TPP2: variants seen among roughly 807,000 people sequenced by gnomAD.
TPP2 encodes the protein tripeptidyl peptidase 2.
Under a neutral mutation model 155.9 loss-of-function variants are expected in TPP2, and 34 were observed. That is an observed-to-expected ratio of 0.22 (90% CI 0.17 to 0.29). The LOEUF (loss-of-function observed/expected upper bound fraction) is 0.29, where lower values mean the gene tolerates loss of function less well. Among genes scored for constraint, TPP2 ranks in the 10% least tolerant of loss-of-function variants. The pLI is 1.00. For missense variants in TPP2, 1,028 were observed against 1,522.3 expected, an observed-to-expected ratio of 0.68 and a Z score of 5.40; for synonymous variants, 510 against 529.4, an observed-to-expected ratio of 0.96 and a Z score of 0.50.
chr13:102,615,352 G>A (rs1225204643), intron 3 of TPP2, among the ~76,000 whole-genome samples: 2 of 152,062 alleles, frequency 1.3e-5, no homozygotes, highest in African/African-American at 4.8e-5. Context: ...GTTTCACCAT[G>A]TTGCCCAGGC....
chr13:102,635,014 G>A (rs986749834), intron 11 of TPP2, among the ~76,000 whole-genome samples: 2 of 152,172 alleles, frequency 1.3e-5, no homozygotes, highest in Non-Finnish European at 2.9e-5. Flanking sequence ...GAGAGGACAA[G>A]AATGATACAG....
rs556613987 is a variant in TPP2 at position 102,615,289 on chromosome 13, A to G, written c.390+1093A>G. Among the ~76,000 whole-genome samples the G allele has an allele frequency of 1.4e-3, 206 of 152,296 alleles. 2 individuals are homozygous for G. Among genetic ancestry groups the G allele is most frequent in the Non-Finnish European group, 2.3e-3 (157 of 68,028 alleles). Reference sequence around the variant, plus strand: ...GCAATCCTCCCATGTAGTTGGGACTACAGGCACGCACCACCACACCCATCT... The same window carrying G: ...GCAATCCTCCCATGTAGTTGGGACTGCAGGCACGCACCACCACACCCATCT... On this transcript the variant is annotated intron_variant, in intron 3 of 29. Coordinates refer to ENST00000376052, the MANE Select transcript of TPP2 (RefSeq NM_001330588.2).
chr13:102,618,642 A>T, intron 4 of TPP2, 80 bp from the exon 5 acceptor site: 1 of 1,519,068 alleles, frequency 6.6e-7, no homozygotes, highest in Non-Finnish European at 8.8e-7. Context: ...ATGGATTAAC[A>T]TTGTATCTTT....
chr13:102,631,886 G>C (rs1187524496), intron 10 of TPP2, among the ~76,000 whole-genome samples: 1 of 152,250 alleles, frequency 6.6e-6, no homozygotes, highest in Non-Finnish European at 1.5e-5. Flanking sequence ...CATCAGCATT[G>C]ACTGAGACAC....
intron 3 of TPP2, among the ~76,000 whole-genome samples, 164 bp downstream of exon 3, chr13:102,614,360 A>G (rs576595501): frequency 6.6e-6 from 1 of 152,304 alleles, no homozygotes; most frequent in Admixed American, 6.5e-5. Flanking sequence ...ATTCTGCTCA[A>G]TGGAATGTCA....
At chr13:102,616,309 A>G (rs1880719226) in intron 3 of TPP2, 87 bp from the exon 4 acceptor site, 2 of 1,096,320 alleles carry the variant, frequency 1.8e-6, no homozygotes, top group South Asian at 3.0e-5. Flanking sequence ...TCACAACTGT[A>G]CCAACAAAGT....
chr13:102,636,454 A>G, intron 13 of TPP2, 62 bp downstream of exon 13: 3 of 1,530,516 alleles, frequency 2.0e-6, no homozygotes, highest in East Asian at 4.6e-5. Flanking sequence ...GAGTGGTATC[A>G]TAATAAAGAA....
Position 102,640,487 on chromosome 13 carries a change from G to T in TPP2, c.2020+111G>T. On this transcript the variant is annotated intron_variant, in intron 16 of 29. Coordinates refer to ENST00000376052, the MANE Select transcript of TPP2 (RefSeq NM_001330588.2). ...ATGTATTTCCCTGGTACTAATATAT[G>T]TATTTGGGTACCTTAGACTTTCTGT... 8.7e-6 allele frequency: 7 copies of T among 804,248 alleles called. No individual in the cohort carries two copies. In the South Asian group the frequency reaches 1.3e-4, roughly 14 times the overall value. 49.8% of individuals were successfully genotyped at this position (804,248 alleles called of 1,614,324 possible).
intron 23 of TPP2, among the ~76,000 whole-genome samples, chr13:102,650,544 A>T (rs970304020): frequency 6.6e-6 from 1 of 152,168 alleles, no homozygotes; most frequent in Non-Finnish European, 1.5e-5. Context: ...TAATTAATAC[A>T]TGCACTGATT....
At chr13:102,631,925 C>T (rs559286838) in intron 10 of TPP2, among the ~76,000 whole-genome samples, 3 of 152,318 alleles carry the variant, frequency 2.0e-5, no homozygotes, top group East Asian at 3.9e-4. Context: ...CAGGCATTTG[C>T]ACGTGTGGCA....
intron 20 of TPP2, 46 bp downstream of exon 20, chr13:102,646,436 GTTT>G: frequency 6.8e-7 from 1 of 1,474,582 alleles, no homozygotes; most frequent in South Asian, 1.2e-5. Flanking sequence ...GAACTTTTGT[GTTT>G]TATTTATGAT....
At position 102,627,266 on chromosome 13, in the gene TPP2, C is replaced by T. The variant is rs576738486; in HGVS notation, c.939+100C>T. ...CCTAGTTTACCAAGAATACATTGAA[C>T]TATATATAGTGTACAGGACTTTTAA... On this transcript the variant is annotated intron_variant, in intron 7 of 29. Coordinates refer to ENST00000376052, the MANE Select transcript of TPP2 (RefSeq NM_001330588.2). 5 of 1,158,218 alleles carry T rather than the reference C, an allele frequency of 4.3e-6. No homozygotes were observed. In the South Asian group the frequency reaches 1.2e-4, roughly 27 times the overall value. The allele number at this position is 1,158,218 out of a possible 1,614,324, so 71.7% of individuals were successfully genotyped here. A position where few individuals can be genotyped will look rare whatever the true frequency, so the allele number is the denominator to read the frequency against.
chr13:102,621,484 T>C (rs989968618), intron 5 of TPP2, among the ~76,000 whole-genome samples: 36 of 151,306 alleles, frequency 2.4e-4, no homozygotes, highest in African/African-American at 8.5e-4. Flanking sequence ...AGCAGAGAGG[T>C]AGAAAGGGTG....
chr13:102,602,517 A>G (rs1393590468), intron 1 of TPP2, among the ~76,000 whole-genome samples: 1 of 152,148 alleles, frequency 6.6e-6, no homozygotes, highest in Non-Finnish European at 1.5e-5. Flanking sequence ...GGAGGCCTTT[A>G]TGACCCCTTC....
At chr13:102,645,742 A>G (rs1388263929) in intron 19 of TPP2, among the ~76,000 whole-genome samples, 1 of 152,260 alleles carries the variant, frequency 6.6e-6, no homozygotes, top group African/African-American at 2.4e-5. Flanking sequence ...ATTTTAAACT[A>G]TATTTAAAAC....
At chr13:102,611,496 C>T (rs1023032514) in intron 2 of TPP2, among the ~76,000 whole-genome samples, 7 of 151,948 alleles carry the variant, frequency 4.6e-5, no homozygotes, top group East Asian at 3.9e-4. Context: ...ACCAACATGT[C>T]GAAACCCCCT....
chr13:102,626,205 C>T (rs769632360), intron 6 of TPP2, among the ~76,000 whole-genome samples: 5 of 152,100 alleles, frequency 3.3e-5, no homozygotes, highest in South Asian at 2.1e-4. Flanking sequence ...TTTTTGTGAT[C>T]GGAAATGATA....
At chr13:102,607,113 C>T (rs1006555240) in intron 2 of TPP2, among the ~76,000 whole-genome samples, 1 of 152,200 alleles carries the variant, frequency 6.6e-6, no homozygotes, top group East Asian at 1.9e-4. Context: ...TTCACCTATG[C>T]TCAACCATGC....
At chr13:102,617,603 A>T (rs1258513814) in intron 4 of TPP2, among the ~76,000 whole-genome samples, 3 of 152,214 alleles carry the variant, frequency 2.0e-5, no homozygotes, top group Non-Finnish European at 4.4e-5. Flanking sequence ...AAGGACAAAT[A>T]ACTTGCTCAG....
Sources: gnomAD v4.1 joint callset for allele counts (sites outside exome capture counted in the v4.1 genomes callset) on GRCh38, gnomAD v4.1.1 for gene constraint, MANE v1.5 for transcripts, NCBI Gene and HGNC (gene_info 2026-07-23, HGNC 2026-07-21) for gene names.